Variants in CEP63 observed in about 807,000 individuals in gnomAD.
The protein encoded by CEP63 is centrosomal protein 63.
A neutral mutation model predicts 89.1 loss-of-function variants in CEP63; 84 were observed. The observed-to-expected ratio is 0.94, with a 90% CI of 0.79 to 1.13. The LOEUF (loss-of-function observed/expected upper bound fraction) is 1.13. CEP63 is among the 50% of genes most tolerant of loss of function. The pLI is 0.00. For synonymous variants in CEP63, 267 were observed against 272.5 expected (o/e 0.98, Z 0.20); for missense variants, 838 against 813.3 (o/e 1.03, Z -0.37).
the CEP63 span, among the ~76,000 whole-genome samples, chr3:134,726,812 T>A: frequency 6.6e-6 from 1 of 152,168 alleles, no homozygotes; most frequent in African/African-American, 2.4e-5. Flanking sequence ...CAGCTCAGAT[T>A]CCTGCGGCTC....
chr3:134,772,443 G>C, the CEP63 span, among the ~76,000 whole-genome samples: 1 of 152,086 alleles, frequency 6.6e-6, no homozygotes, highest in East Asian at 1.9e-4. Context: ...AGTCACTTTG[G>C]GGGTGAGCCA....
the CEP63 span, among the ~76,000 whole-genome samples, chr3:134,666,683 G>T: frequency 2.0e-5 from 3 of 152,174 alleles, no homozygotes; most frequent in Non-Finnish European, 2.9e-5. Flanking sequence ...TCATGACTCA[G>T]TCCCAGCCAC....
At chr3:134,686,889 T>G in the CEP63 span, among the ~76,000 whole-genome samples, 14 of 152,174 alleles carry the variant, frequency 9.2e-5, no homozygotes, top group Non-Finnish European at 2.1e-4. Flanking sequence ...CAATATGACT[T>G]GCACTAAATA....
At position 134,546,775 on chromosome 3, in the gene CEP63, A is replaced by C. The variant is rs1221164732; in HGVS notation, c.929+487A>C. Reference sequence around the variant, plus strand: ...AAGTGTTATAAAATTTTGTGTGGTTAATTTTCTTCTGCCACCAGTTAGGGT... The same window carrying C: ...AAGTGTTATAAAATTTTGTGTGGTTCATTTTCTTCTGCCACCAGTTAGGGT... On this transcript the variant is annotated intron_variant, in intron 8 of 14. Transcript: ENST00000675561. Among the ~76,000 whole-genome samples, 7 of 152,178 alleles carry C rather than the reference A, an allele frequency of 4.6e-5. No individual in the cohort carries two copies. In the South Asian group the frequency reaches 8.3e-4, roughly 18 times the overall value.
At chr3:134,505,573 G>C (rs755540861) in intron 2 of CEP63, among the ~76,000 whole-genome samples, 4 of 152,162 alleles carry the variant, frequency 2.6e-5, no homozygotes. Context: ...GTAGCAGGCA[G>C]GGCAGATCAA....
chr3:134,651,859 T>C, the CEP63 span, among the ~76,000 whole-genome samples: 7 of 152,188 alleles, frequency 4.6e-5, no homozygotes, highest in Admixed American at 4.6e-4. Flanking sequence ...GGGGTTTGGC[T>C]GTAGGTCTCA....
chr3:134,578,993 A>G (rs928371574), downstream of CEP63, among the ~76,000 whole-genome samples: 2 of 152,114 alleles, frequency 1.3e-5, no homozygotes, highest in Non-Finnish European at 2.9e-5. Flanking sequence ...TCTGACCTCA[A>G]GTGATCCACC....
In CEP63 at chr3:134,563,307, G is replaced by A. The variant is rs955811966; in HGVS notation, c.*1772G>A. ...CTTCTCTCTCACCCTGATTCTGGCA[G>A]TAGCCTCCTAACTGATAGTACTCAC... On this transcript the variant is annotated 3_prime_UTR_variant, in exon 15 of 15. Coordinates refer to ENST00000675561, the MANE Select transcript of CEP63 (RefSeq NM_001353108.3). 3 of 152,142 alleles carry A rather than the reference G, an allele frequency of 2.0e-5. No individual in the cohort carries two copies. Among genetic ancestry groups the A allele is most frequent in the Admixed American group, 2.0e-4 (3 of 15,290 alleles). 9.4% of individuals were successfully genotyped at this position (152,142 alleles called of 1,614,324 possible).
At chr3:134,740,593 C>T in the CEP63 span, among the ~76,000 whole-genome samples, 1 of 152,092 alleles carries the variant, frequency 6.6e-6, no homozygotes, top group Non-Finnish European at 1.5e-5. Context: ...CACCGTGCCC[C>T]GCCTCTTTCT....
the CEP63 span, among the ~76,000 whole-genome samples, chr3:134,739,805 A>G: frequency 1.7e-3 from 257 of 152,026 alleles, 1 homozygote; most frequent in African/African-American, 6.1e-3. Flanking sequence ...GCAGACACTC[A>G]GGAAGTCATA....
chr3:134,510,589 T>G (rs1944615077), intron 3 of CEP63: 2 of 598,634 alleles, frequency 3.3e-6, no homozygotes, highest in Non-Finnish European at 3.0e-6. Context: ...CACAACTTAC[T>G]GTCTTCAAGG....
intron 11 of CEP63, among the ~76,000 whole-genome samples, chr3:134,573,501 A>G (rs899517395): frequency 1.3e-5 from 2 of 152,194 alleles, no homozygotes; most frequent in African/African-American, 2.4e-5. Context: ...CGTTTGTTGA[A>G]TAGGAAGTCC....
the CEP63 span, among the ~76,000 whole-genome samples, chr3:134,628,340 G>C: frequency 6.6e-6 from 1 of 152,310 alleles, no homozygotes; most frequent in African/African-American, 2.4e-5. Flanking sequence ...CGTAAAGGCA[G>C]AATTGTAGCC....
chr3:134,608,040 G>A, the CEP63 span: 2 of 1,064,328 alleles, frequency 1.9e-6, no homozygotes, highest in African/African-American at 1.7e-5. Flanking sequence ...ACCTCCCTAA[G>A]GAAGTCTGCC....
At chr3:134,544,835 T>C (rs763314008) in intron 6 of CEP63, among the ~76,000 whole-genome samples, 9 of 152,066 alleles carry the variant, frequency 5.9e-5, no homozygotes, top group Non-Finnish European at 1.2e-4. Flanking sequence ...CCCTTTACTT[T>C]ATCCATTCTT....
intron 6 of CEP63, among the ~76,000 whole-genome samples, chr3:134,540,513 A>T (rs2109355429): frequency 6.6e-6 from 1 of 152,234 alleles, no homozygotes; most frequent in South Asian, 2.1e-4. Flanking sequence ...TGATGGATTG[A>T]TAGACTTTCT....
At chr3:134,494,438 T>A (rs1371987049) in intron 1 of CEP63, among the ~76,000 whole-genome samples, 4 of 152,052 alleles carry the variant, frequency 2.6e-5, no homozygotes, top group Non-Finnish European at 4.4e-5. Context: ...TATATGGCAG[T>A]CTTCTATCTC....
chr3:134,514,002 A>G (rs1945608730), intron 3 of CEP63, among the ~76,000 whole-genome samples: 1 of 152,208 alleles, frequency 6.6e-6, no homozygotes, highest in South Asian at 2.1e-4. Flanking sequence ...AGGAGACAAG[A>G]CAACACAAAG....
chr3:134,570,940 C>T (rs992321953), intron 11 of CEP63, among the ~76,000 whole-genome samples: 3 of 152,192 alleles, frequency 2.0e-5, no homozygotes, highest in Non-Finnish European at 4.4e-5. Flanking sequence ...TGCAGAGAAA[C>T]TCCCCTTGTT....
Sources: gnomAD v4.1 joint callset for allele counts (sites outside exome capture counted in the v4.1 genomes callset) on GRCh38, gnomAD v4.1.1 for gene constraint, MANE v1.5 for transcripts, NCBI Gene and HGNC (gene_info 2026-07-23, HGNC 2026-07-21) for gene names.